Variants in MAST4 observed in about 807,000 individuals in gnomAD.
MAST4 encodes microtubule-associated serine/threonine-protein kinase 4.
MAST4 carries 89 observed loss-of-function variants against 162.7 expected under a neutral mutation model. The ratio of observed to expected loss-of-function variants is 0.55; its 90% CI spans 0.46 to 0.65. The LOEUF is 0.65. MAST4 is among the 30% of genes least tolerant of loss of function. The pLI is 0.00. For missense variants in MAST4, 3,153 were observed against 3,374.0 expected, an observed-to-expected ratio of 0.93 and a Z score of 1.62; for synonymous variants, 1,479 against 1,361.1, an observed-to-expected ratio of 1.09 and a Z score of -1.91.
Position 66,636,329 on chromosome 5 carries a change from G to A in MAST4, c.363+39311G>A, listed in dbSNP as rs113430882. On this transcript the variant is annotated intron_variant, in intron 1 of 28. Coordinates refer to ENST00000403625, the MANE Select transcript of MAST4 (RefSeq NM_001164664.2). ...AGCCCAAGCAGCAGTTCCTCCCCGC[G>A]GTTATTTTAGGAGATGGCAATGTAA... Among the ~76,000 whole-genome samples, 1,418 of 152,140 alleles carry A rather than the reference G, an allele frequency of 9.3e-3. 17 individuals are homozygous for A. Among genetic ancestry groups the A allele is most frequent in the African/African-American group, 0.032 (1,347 of 41,500 alleles).
chr5:66,706,855 C>A (rs1199363182), intron 1 of MAST4, among the ~76,000 whole-genome samples: 2 of 152,092 alleles, frequency 1.3e-5, no homozygotes, highest in Non-Finnish European at 2.9e-5. Context: ...TGCTTTTAGG[C>A]CTCATTAGAA....
chr5:67,016,479 T>G (rs1447441378), intron 4 of MAST4, among the ~76,000 whole-genome samples: 1 of 152,226 alleles, frequency 6.6e-6, no homozygotes, highest in African/African-American at 2.4e-5. Context: ...AGAGCTCTGA[T>G]AATTTTGATC....
At chr5:66,999,000 G>T (rs567766181) in intron 4 of MAST4, among the ~76,000 whole-genome samples, 18 of 152,326 alleles carry the variant, frequency 1.2e-4, no homozygotes, top group Non-Finnish European at 2.2e-4. Flanking sequence ...GTGATGCATT[G>T]ATCTCCAAGT....
At chr5:66,958,242 A>G (rs527578894) in intron 4 of MAST4, among the ~76,000 whole-genome samples, 20 of 152,310 alleles carry the variant, frequency 1.3e-4, no homozygotes, top group African/African-American at 4.8e-4. Flanking sequence ...AATTTGTTCT[A>G]GTGTTTCTTT....
At chr5:66,995,258 A>G (rs565344434) in intron 4 of MAST4, among the ~76,000 whole-genome samples, 2 of 152,224 alleles carry the variant, frequency 1.3e-5, no homozygotes, top group Non-Finnish European at 2.9e-5. Flanking sequence ...TATCAATCAA[A>G]TTTTATTAAA....
rs1323043372 is a variant in MAST4, at chr5:67,166,341, G to A, written c.7162G>A (p.Glu2388Lys). 4 of 1,604,732 alleles carry A rather than the reference G, an allele frequency of 2.5e-6. No individual in the cohort carries two copies. The East Asian group carries it at 9.0e-5, about 36-fold the overall frequency. The change falls in exon 29 of 29, where the codon GAG becomes AAG. Residue 2388 changes from glutamate to lysine, a missense_variant. Glu to Lys is a moderately conservative substitution (Grantham distance 56). This residue lies in a region of MAST4 where 1,644 missense variants were observed against 1,495.0 expected (regional missense o/e 1.10). Coordinates refer to ENST00000403625, the MANE Select transcript of MAST4 (RefSeq NM_001164664.2). ...TGCTCCAGCAGAGGGCGACAAGCTC[G>A]AGGCCGGCCTTTCCTTTGTGCATAG... is the stretch of plus-strand genomic sequence containing the variant. ...LYAPAEGDKL[E>K]AGLSFVHSEN...
chr5:66,982,427 TA>T (rs1406393479), intron 4 of MAST4, among the ~76,000 whole-genome samples: 6 of 152,180 alleles, frequency 3.9e-5, no homozygotes, highest in Admixed American at 3.9e-4. Context: ...CCTGCCTAAC[TA>T]GGAAAATTAT....
At position 66,967,326 on chromosome 5, in the gene MAST4, A is replaced by G. The variant is rs565495910; in HGVS notation, c.674+67344A>G. Among the ~76,000 whole-genome samples, 31 of 152,302 alleles carry G rather than the reference A, an allele frequency of 2.0e-4. 1 individual carries two copies. The East Asian group carries it at 5.8e-3, about 28-fold the overall frequency. On this transcript the variant is annotated intron_variant, in intron 4 of 28. Transcript: ENST00000403625. ...AGACATGAGTCAGCTCTCCATCTCCAGCGGAACTCCAGGGGCTTCTCCAGG... is the reference window on the plus strand; with the variant it reads ...AGACATGAGTCAGCTCTCCATCTCCGGCGGAACTCCAGGGGCTTCTCCAGG...
intron 2 of MAST4, among the ~76,000 whole-genome samples, chr5:66,781,146 C>T (rs890120162): frequency 1.3e-5 from 2 of 152,186 alleles, no homozygotes; most frequent in Non-Finnish European, 2.9e-5. Flanking sequence ...CTAATGCTGC[C>T]ATGAACATGG....
At chr5:66,731,227 C>T (rs1000489702) in intron 1 of MAST4, among the ~76,000 whole-genome samples, 1 of 149,362 alleles carries the variant, frequency 6.7e-6, no homozygotes, top group African/African-American at 2.6e-5. Flanking sequence ...GATAAAGTAG[C>T]ATTGGGTGCA....
At chr5:66,637,814 G>C (rs1214853095) in intron 1 of MAST4, among the ~76,000 whole-genome samples, 1 of 151,834 alleles carries the variant, frequency 6.6e-6, no homozygotes, top group African/African-American at 2.4e-5. Context: ...CAAATTATCT[G>C]AACCTCCCAC....
chr5:66,840,419 G>T (rs13357298), intron 3 of MAST4, among the ~76,000 whole-genome samples: 107 of 152,136 alleles, frequency 7.0e-4, no homozygotes, highest in South Asian at 1.2e-3. Context: ...AGATTGTTAA[G>T]CTCACAGATT....
intron 4 of MAST4, among the ~76,000 whole-genome samples, chr5:67,018,284 C>T (rs1753555389): frequency 6.6e-6 from 1 of 152,056 alleles, no homozygotes; most frequent in Non-Finnish European, 1.5e-5. Flanking sequence ...CCTGTAATTC[C>T]AGCACTTTTG....
At chr5:66,782,525 C>T (rs776710220) in intron 2 of MAST4, among the ~76,000 whole-genome samples, 1 of 152,222 alleles carries the variant, frequency 6.6e-6, no homozygotes, top group Non-Finnish European at 1.5e-5. Flanking sequence ...TGGTTGAGAC[C>T]TGACACGCTC....
chr5:66,956,042 C>G (rs565019660), intron 4 of MAST4, among the ~76,000 whole-genome samples: 1 of 151,448 alleles, frequency 6.6e-6, no homozygotes, highest in Non-Finnish European at 1.5e-5. Context: ...ATGCTGGTCT[C>G]GAGCTCCTGG....
chr5:67,012,548 A>T (rs1440164049), intron 4 of MAST4, among the ~76,000 whole-genome samples: 2 of 152,200 alleles, frequency 1.3e-5, no homozygotes, highest in Admixed American at 6.5e-5. Context: ...CAAGATATTA[A>T]AATGGTCCTG....
At chr5:67,122,368 C>A (rs1415880005) in intron 14 of MAST4, among the ~76,000 whole-genome samples, 1 of 152,112 alleles carries the variant, frequency 6.6e-6, no homozygotes, top group Non-Finnish European at 1.5e-5. Flanking sequence ...TTGTGAGTCC[C>A]TTCTATGCTT....
At chr5:66,980,020 A>G (rs1326287606) in intron 4 of MAST4, among the ~76,000 whole-genome samples, 2 of 152,226 alleles carry the variant, frequency 1.3e-5, no homozygotes, top group Non-Finnish European at 2.9e-5. Flanking sequence ...TTTTGTGTGT[A>G]GAAGTTATCT....
intron 4 of MAST4, chr5:67,004,775 G>C (rs1056031107): frequency 5.8e-6 from 3 of 519,848 alleles, no homozygotes; most frequent in African/African-American, 5.7e-5. Flanking sequence ...TTTGAGAGGA[G>C]GCTGTGTGTT....
Sources: gnomAD v4.1 joint callset for allele counts (sites outside exome capture counted in the v4.1 genomes callset) on GRCh38, gnomAD v4.1.1 for gene constraint, gnomAD v4.1.1 regional missense constraint, MANE v1.5 for transcripts, NCBI Gene and HGNC (gene_info 2026-07-23, HGNC 2026-07-21) for gene names.